The following TOMM5 variants were observed in gnomAD, a reference collection of about 807,000 sequenced individuals.
TOMM5 encodes the protein mitochondrial import receptor subunit TOM5 homolog.
Under a neutral mutation model 4.8 loss-of-function variants are expected in TOMM5, and 1 was observed. That is an observed-to-expected ratio of 0.21 (90% confidence interval 0.07 to 0.99). The LOEUF (loss-of-function observed/expected upper bound fraction) is 0.99. Ranked by LOEUF, TOMM5 falls within the 50% of genes least tolerant of loss-of-function variation. TOMM5 has a pLI of 0.60. For synonymous variants in TOMM5, 26 were observed against 26.7 expected, an observed-to-expected ratio of 0.97 and a Z score of 0.08; for missense variants, 60 against 66.6, an observed-to-expected ratio of 0.90 and a Z score of 0.35.
rs554171217 is a variant in TOMM5 at position 37,592,583 on chromosome 9, G to A, written c.-51C>T. On this transcript the variant is annotated 5_prime_UTR_variant, in exon 1 of 2. Coordinates refer to ENST00000321301, the MANE Select transcript of TOMM5 (RefSeq NM_001001790.3). ...GCCGCCGCGCTCTGCTCTCCACGGT[G>A]GCCGCCTCGCGCCCGGAACTCGGCC... 2.5e-6 allele frequency: 4 copies of A among 1,584,266 alleles called. No individual in the cohort carries two copies. The Admixed American group carries it at 5.1e-5, about 20-fold the overall frequency.
At position 37,588,689 on chromosome 9, in the gene TOMM5, G is replaced by A; in HGVS notation, c.*209C>T. 2.9e-6 allele frequency: 2 copies of A among 694,450 alleles called. No homozygotes were observed. Among genetic ancestry groups the A allele is most frequent in the South Asian group, 1.5e-5 (1 of 66,626 alleles). The allele number at this position is 694,450 out of a possible 1,614,324, so 43.0% of individuals were successfully genotyped here. On this transcript the variant is annotated 3_prime_UTR_variant, in exon 2 of 2. Transcript: ENST00000321301. ...ACGTCACAGGGATAAGGGTACACCA[G>A]ATCACGAGACATCGTTTCATACTTC...
At position 37,588,918 on chromosome 9, in the gene TOMM5, T is replaced by G; in HGVS notation, c.136A>C (p.Lys46Gln). The G allele has an allele frequency of 6.2e-7, 1 of 1,613,570 alleles. No homozygotes were observed. The highest frequency in any genetic ancestry group is 1.3e-5 in the African/African-American group (1 of 75,056). ...ALLRVTPFIL[K>Q]KLDSI ...TGTCTTCATATGCTGTCCAATTTCTTTAAGATAAATGGAGCTGAAAGAAAA... is the reference window on the plus strand; with the variant it reads ...TGTCTTCATATGCTGTCCAATTTCTGTAAGATAAATGGAGCTGAAAGAAAA... Residue 46 changes from lysine to glutamine, a missense_variant, in exon 2 of 2, where the codon AAG becomes CAG. Coordinates refer to ENST00000321301, the MANE Select transcript of TOMM5 (RefSeq NM_001001790.3).
chr9:37,589,027 A>G, intron 1 of TOMM5, 95 bp from the exon 2 acceptor site: 1 of 1,129,090 alleles, frequency 8.9e-7, no homozygotes. Flanking sequence ...GTTTTTGAAA[A>G]TAACTCCAAG....
At chr9:37,592,284 C>T (rs1016450538) in intron 1 of TOMM5, 128 bp downstream of exon 1, 9 of 1,556,588 alleles carry the variant, frequency 5.8e-6, no homozygotes, top group Non-Finnish European at 7.0e-6. Context: ...TCGCCTTCAA[C>T]GCGCACCCTC....
chr9:37,588,768 T>G lies in TOMM5; in HGVS notation c.*130A>C. 1 of 931,610 alleles carries G rather than the reference T, an allele frequency of 1.1e-6. No homozygotes were observed. The highest frequency in any genetic ancestry group is 1.8e-6 in the Non-Finnish European group (1 of 569,640). 57.7% of individuals were successfully genotyped at this position (931,610 alleles called of 1,614,324 possible). On this transcript the variant is annotated 3_prime_UTR_variant, in exon 2 of 2. Transcript: ENST00000321301. ...GGTCAGTTACCAGAGCCAAACTTGT[T>G]CTTAACAAGCAGAATTTTATGTCCA... is the stretch of plus-strand genomic sequence containing the variant.
intron 1 of TOMM5, among the ~76,000 whole-genome samples, chr9:37,591,189 T>C (rs2119235690): frequency 6.6e-6 from 1 of 152,270 alleles, no homozygotes; most frequent in Middle Eastern, 3.4e-3. Flanking sequence ...CCTGCCTCCC[T>C]CAAAGGTCCA....
Position 37,588,422 on chromosome 9 carries a change from TTGATA to T in TOMM5, c.*471_*475del, listed in dbSNP as rs1823049131. The T allele has an allele frequency of 2.6e-5, 5 of 194,472 alleles. No individual in the cohort carries two copies. In the South Asian group the frequency reaches 4.8e-4, roughly 19 times the overall value. 12.0% of individuals were successfully genotyped at this position (194,472 alleles called of 1,614,324 possible). ...AAAATAGAAACCCAACTTTTCTTAA[TTGATA>T]TGTTTATTAAAAACATAGACTAATA... On this transcript the variant is annotated 3_prime_UTR_variant, in exon 2 of 2. Coordinates refer to ENST00000321301, the MANE Select transcript of TOMM5 (RefSeq NM_001001790.3).
rs1231292989 is a variant in TOMM5, at chr9:37,588,766, G to T, written c.*132C>A. Reference sequence around the variant, plus strand: ...AAGGTCAGTTACCAGAGCCAAACTTGTTCTTAACAAGCAGAATTTTATGTC... The same window carrying T: ...AAGGTCAGTTACCAGAGCCAAACTTTTTCTTAACAAGCAGAATTTTATGTC... On this transcript the variant is annotated 3_prime_UTR_variant, in exon 2 of 2. Transcript: ENST00000321301. 2.2e-6 allele frequency: 2 copies of T among 906,280 alleles called. No homozygotes were observed. The highest frequency in any genetic ancestry group is 1.6e-5 in the African/African-American group (1 of 61,344). 56.1% of individuals were successfully genotyped at this position (906,280 alleles called of 1,614,324 possible). A position where few individuals can be genotyped will look rare whatever the true frequency, so the allele number is the denominator to read the frequency against.
intron 1 of TOMM5, among the ~76,000 whole-genome samples, 178 bp from the exon 2 acceptor site, chr9:37,589,110 T>A (rs1175728417): frequency 6.6e-6 from 1 of 152,252 alleles, no homozygotes. Context: ...CATTCCACTG[T>A]CATTCAGCTA....
intron 1 of TOMM5, among the ~76,000 whole-genome samples, chr9:37,591,361 G>A (rs544877373): frequency 6.6e-6 from 1 of 152,172 alleles, no homozygotes; most frequent in Non-Finnish European, 1.5e-5. Flanking sequence ...AAACAGAAAT[G>A]AAGCAAAACT....
At chr9:37,592,173 C>G in intron 1 of TOMM5, 1 of 1,464,244 alleles carries the variant, frequency 6.8e-7, no homozygotes, top group African/African-American at 1.4e-5. Context: ...AAACATTCTT[C>G]AAGCTGGGAG....
intron 1 of TOMM5, among the ~76,000 whole-genome samples, chr9:37,589,635 T>G (rs2119233417): frequency 6.6e-6 from 1 of 152,300 alleles, no homozygotes; most frequent in Non-Finnish European, 1.5e-5. Flanking sequence ...TATTTATTTT[T>G]TTCAGCCTCC....
intron 1 of TOMM5, among the ~76,000 whole-genome samples, chr9:37,589,897 C>T (rs924996032): frequency 6.6e-6 from 1 of 152,118 alleles, no homozygotes; most frequent in Non-Finnish European, 1.5e-5. Flanking sequence ...CCAATTTTTC[C>T]TACTAATTCT....
At chr9:37,591,306 T>A (rs1823097218) in intron 1 of TOMM5, among the ~76,000 whole-genome samples, 2 of 152,024 alleles carry the variant, frequency 1.3e-5, no homozygotes, top group African/African-American at 4.8e-5. Flanking sequence ...TTTTTTCCCA[T>A]TTTTTTCCAA....
intron 1 of TOMM5, chr9:37,592,183 G>C (rs548221308): frequency 1.3e-6 from 2 of 1,482,432 alleles, no homozygotes; most frequent in African/African-American, 2.8e-5. Flanking sequence ...CAAGCTGGGA[G>C]AACCAGGATG....
chr9:37,592,210 G>A (rs373825432), intron 1 of TOMM5: 2 of 1,512,500 alleles, frequency 1.3e-6, no homozygotes, highest in Non-Finnish European at 1.8e-6. Flanking sequence ...CACGCGCGCC[G>A]GCCACCACGT....
intron 1 of TOMM5, among the ~76,000 whole-genome samples, chr9:37,592,002 C>A (rs976313660): frequency 6.6e-6 from 1 of 151,994 alleles, no homozygotes; most frequent in African/African-American, 2.4e-5. Context: ...ACTGCAACCT[C>A]CGCCTCCTGG....
chr9:37,592,167 A>G, intron 1 of TOMM5: 1 of 1,460,224 alleles, frequency 6.8e-7, no homozygotes, highest in Non-Finnish European at 9.1e-7. Context: ...CAGCTCAAAC[A>G]TTCTTCAAGC....
intron 1 of TOMM5, among the ~76,000 whole-genome samples, chr9:37,591,691 C>A (rs1195758055): frequency 3.1e-5 from 3 of 98,064 alleles, no homozygotes; most frequent in Admixed American, 1.1e-4. Flanking sequence ...GACTGTGTAT[C>A]GAGGAAAAAA....
Sources: allele counts gnomAD v4.1 joint callset (sites outside exome capture counted in the v4.1 genomes callset), GRCh38; gene constraint gnomAD v4.1.1; transcripts MANE v1.5; gene names NCBI Gene and HGNC (gene_info 2026-07-23, HGNC 2026-07-21).